Variants in CFAP299 observed in about 807,000 individuals in gnomAD.
CFAP299 encodes the protein cilia- and flagella-associated protein 299.
Under a neutral mutation model 27.0 loss-of-function variants are expected in CFAP299, and 21 were observed. That is an observed-to-expected ratio of 0.78 (90% CI 0.55 to 1.12). CFAP299 has a LOEUF of 1.12. CFAP299 is among the 50% of genes most tolerant of loss of function. The pLI, the probability that CFAP299 is intolerant of heterozygous loss-of-function variation, is 0.00. For synonymous variants in CFAP299, 104 were observed against 98.1 expected, an observed-to-expected ratio of 1.06 and a Z score of -0.36; for missense variants, 310 against 276.6, an observed-to-expected ratio of 1.12 and a Z score of -0.86.
chr4:80,574,395 C>T (rs1328695662), intron 2 of CFAP299, among the ~76,000 whole-genome samples: 2 of 152,068 alleles, frequency 1.3e-5, no homozygotes, highest in African/African-American at 2.4e-5. Context: ...ATCTCATCTG[C>T]AAACAAGGAT....
At chr4:80,935,705 A>C (rs1029835672) in intron 4 of CFAP299, among the ~76,000 whole-genome samples, 1 of 152,168 alleles carries the variant, frequency 6.6e-6, no homozygotes, top group Non-Finnish European at 1.5e-5. Flanking sequence ...CAAAATAAAA[A>C]ATTGACAAAT....
chr4:80,762,037 A>G (rs1725568277), intron 3 of CFAP299, among the ~76,000 whole-genome samples: 1 of 152,038 alleles, frequency 6.6e-6, no homozygotes, highest in African/African-American at 2.4e-5. Context: ...GGATTCAAAT[A>G]TAATAAAAGC....
intron 3 of CFAP299, among the ~76,000 whole-genome samples, chr4:80,712,762 T>TA (rs1293873765): frequency 6.6e-6 from 1 of 152,188 alleles, no homozygotes. Context: ...TGGTGTGCCA[T>TA]AAAATGATCT....
At chr4:80,476,934 TGTGTGTGTGC>T (rs1215206825) in intron 2 of CFAP299, among the ~76,000 whole-genome samples, 4 of 144,762 alleles carry the variant, frequency 2.8e-5, no homozygotes, top group South Asian at 2.3e-4. Context: ...AGGCATTTTG[TGTGTGTGTGC>T]GTGTGTGTGC....
At chr4:80,622,635 A>T (rs1295786932) in intron 3 of CFAP299, among the ~76,000 whole-genome samples, 2 of 152,210 alleles carry the variant, frequency 1.3e-5, no homozygotes, top group Non-Finnish European at 2.9e-5. Context: ...ATGGGTTTAT[A>T]TTTAAAGTAC....
chr4:80,510,957 C>A (rs1732267830), intron 2 of CFAP299, among the ~76,000 whole-genome samples: 1 of 152,150 alleles, frequency 6.6e-6, no homozygotes. Flanking sequence ...CAACCTCTGG[C>A]TTCTTTTAGC....
intron 2 of CFAP299, chr4:80,387,138 A>C: frequency 7.1e-7 from 1 of 1,408,010 alleles, no homozygotes. Context: ...CGTTTGACAC[A>C]CTTGTAGACG....
chr4:80,409,520 A>T lies in CFAP299; in HGVS notation c.242+46636A>T, dbSNP rs961448733. On this transcript the variant is annotated intron_variant, in intron 2 of 5. Transcript: ENST00000358105. ...TACAAAGTTTGTTAATCATTCTCAA[A>T]TTAGAAAAAAATGAATTTCTACATA... Among the ~76,000 whole-genome samples, 15 of 152,208 alleles carry T rather than the reference A, an allele frequency of 9.9e-5. No homozygotes were observed. In the East Asian group the frequency reaches 2.5e-3, roughly 25 times the overall value.
At chr4:80,466,300 A>T (rs896562081) in intron 2 of CFAP299, among the ~76,000 whole-genome samples, 1 of 152,206 alleles carries the variant, frequency 6.6e-6, no homozygotes, top group Non-Finnish European at 1.5e-5. Context: ...TAAAAAGGAA[A>T]TATAAGTCAT....
At chr4:80,720,274 G>A (rs1238252109) in intron 3 of CFAP299, among the ~76,000 whole-genome samples, 3 of 152,096 alleles carry the variant, frequency 2.0e-5, no homozygotes, top group South Asian at 2.1e-4. Flanking sequence ...TTATCTGAAA[G>A]AATGAGACAG....
At chr4:80,860,372 C>T (rs773248901) in intron 3 of CFAP299, among the ~76,000 whole-genome samples, 17 of 151,530 alleles carry the variant, frequency 1.1e-4, no homozygotes, top group South Asian at 2.1e-4. Flanking sequence ...TCCTGTAGCT[C>T]GTAGTTTGAT....
At chr4:80,909,413 G>A (rs1271407885) in intron 4 of CFAP299, among the ~76,000 whole-genome samples, 1 of 151,696 alleles carries the variant, frequency 6.6e-6, no homozygotes, top group Non-Finnish European at 1.5e-5. Flanking sequence ...ATTATTCTAA[G>A]CAGATATGAG....
chr4:80,440,759 T>C (rs1462419219), intron 2 of CFAP299, among the ~76,000 whole-genome samples: 1 of 152,100 alleles, frequency 6.6e-6, no homozygotes, highest in Non-Finnish European at 1.5e-5. Context: ...AACAAACTCC[T>C]CCAAGCTAAA....
At chr4:80,337,618 G>A (rs1284748958) in intron 1 of CFAP299, among the ~76,000 whole-genome samples, 3 of 151,790 alleles carry the variant, frequency 2.0e-5, no homozygotes, top group Non-Finnish European at 4.4e-5. Context: ...GGCTGGTCTC[G>A]AACTCCTGAC....
At chr4:80,729,283 A>G (rs983985606) in intron 3 of CFAP299, among the ~76,000 whole-genome samples, 3 of 152,204 alleles carry the variant, frequency 2.0e-5, no homozygotes, top group Non-Finnish European at 4.4e-5. Flanking sequence ...CCCATGCCTG[A>G]AAATAAATTC....
At chr4:80,735,966 G>A (rs1723838763) in intron 3 of CFAP299, among the ~76,000 whole-genome samples, 2 of 151,974 alleles carry the variant, frequency 1.3e-5, no homozygotes, top group African/African-American at 4.8e-5. Flanking sequence ...TACCTTGGGA[G>A]TATTCCTTTC....
At chr4:80,550,002 CAT>C (rs1279012074) in intron 2 of CFAP299, among the ~76,000 whole-genome samples, 5 of 151,816 alleles carry the variant, frequency 3.3e-5, no homozygotes, top group African/African-American at 1.2e-4. Flanking sequence ...TATGAAATAA[CAT>C]ATTGACTTTT....
chr4:80,541,106 A>G (rs1326329102), intron 2 of CFAP299, among the ~76,000 whole-genome samples: 1 of 149,792 alleles, frequency 6.7e-6, no homozygotes, highest in African/African-American at 2.5e-5. Context: ...TACAAGAAAT[A>G]TAATGGAGAT....
chr4:80,612,505 A>G (rs894765372), intron 3 of CFAP299, among the ~76,000 whole-genome samples: 1 of 152,110 alleles, frequency 6.6e-6, no homozygotes, highest in Non-Finnish European at 1.5e-5. Flanking sequence ...CATTTGCAGA[A>G]ACATCCCATC....
Sources: gnomAD v4.1 joint callset for allele counts (sites outside exome capture counted in the v4.1 genomes callset) on GRCh38, gnomAD v4.1.1 for gene constraint, MANE v1.5 for transcripts, NCBI Gene and HGNC (gene_info 2026-07-23, HGNC 2026-07-21) for gene names.